KRT25: variants seen among roughly 807,000 people sequenced by gnomAD.
KRT25 encodes the protein keratin, type I cytoskeletal 25.
In KRT25, 37 loss-of-function variants were observed where a neutral mutation model predicts 47.6. The observed-to-expected ratio is 0.78, with a 90% CI of 0.60 to 1.02. The LOEUF is 1.02. Among genes scored for constraint, KRT25 ranks in the 50% least tolerant of loss-of-function variants. The probability of loss-of-function intolerance (pLI) is 0.00; values close to 1 mark genes in which losing one functional copy is unlikely to be tolerated. For synonymous variants in KRT25, 203 were observed against 210.2 expected (o/e 0.97, Z 0.30); for missense variants, 542 against 550.3 (o/e 0.98, Z 0.15).
rs956977211 is a variant in KRT25 at position 40,751,074 on chromosome 17, G to A, written c.837C>T (p.Ala279=). Residue 279 remains alanine (A), a synonymous_variant, in exon 5 of 8, where the codon GCC becomes GCT. Coordinates refer to ENST00000312150, the MANE Select transcript of KRT25 (RefSeq NM_181534.4). ...CCTCAGAGATCTGCTGCTGCAGGGA[G>A]GCGCTCTGAAATGACATAAGTGAAG... is the stretch of plus-strand genomic sequence containing the variant. ...DAEAWFNEKS[A]SLQQQISEDV... The A allele has an allele frequency of 3.1e-6, 5 of 1,614,168 alleles. No homozygotes were observed. Among genetic ancestry groups the A allele is most frequent in the Non-Finnish European group, 4.2e-6 (5 of 1,180,018 alleles).
chr17:40,751,076 C>T lies in KRT25; in HGVS notation c.835G>A (p.Ala279Thr), dbSNP rs551338229. The T allele has an allele frequency of 2.2e-5, 35 of 1,614,100 alleles. No homozygotes were observed. The East Asian group carries it at 6.9e-4, about 32-fold the overall frequency. ...TCAGAGATCTGCTGCTGCAGGGAGG[C>T]GCTCTGAAATGACATAAGTGAAGGA... ...DAEAWFNEKS[A>T]SLQQQISEDV... Residue 279 changes from alanine to threonine, a missense_variant, in exon 5 of 8, where the codon GCC becomes ACC. Ala to Thr is a moderately conservative substitution (Grantham distance 58). Transcript: ENST00000312150.
chr17:40,754,309 G>A, intron 2 of KRT25, 77 bp downstream of exon 2: 2 of 1,181,154 alleles, frequency 1.7e-6, no homozygotes, highest in Non-Finnish European at 2.5e-6. Flanking sequence ...TATAATTTTG[G>A]AATAAGAGTT....
Position 40,754,428 on chromosome 17 carries a change from T to C in KRT25, c.470A>G (p.Gln157Arg). ...AGCTGTAAGCCTGGCATTATCGATC[T>C]GCAGAACAGCATTAGCATTGCTGGT... ...STTSNANAVL[Q>R]IDNARLTADD... Residue 157 changes from glutamine (Q) to arginine (R), a missense_variant, in exon 2 of 8, where the codon CAG becomes CGG. Physicochemically the swap from Gln to Arg is conservative, Grantham distance 43. Transcript: ENST00000312150. 6.2e-7 allele frequency: 1 copy of C among 1,614,100 alleles called. No homozygotes were observed. Among genetic ancestry groups the C allele is most frequent in the East Asian group, 2.2e-5 (1 of 44,882 alleles).
chr17:40,752,154 CTAA>C (rs970347283), intron 3 of KRT25, among the ~76,000 whole-genome samples: 4 of 151,932 alleles, frequency 2.6e-5, no homozygotes, highest in African/African-American at 7.3e-5. Flanking sequence ...AGTCAAAGAA[CTAA>C]TAATAATAAT....
chr17:40,751,320 G>T lies in KRT25; in HGVS notation c.676C>A (p.Gln226Lys). 1 of 1,608,940 alleles carries T rather than the reference G, an allele frequency of 6.2e-7. No individual in the cohort carries two copies. Among genetic ancestry groups the T allele is most frequent in the Non-Finnish European group, 8.5e-7 (1 of 1,177,830 alleles). The change falls in exon 4 of 8, where the codon CAA (glutamine) becomes AAA (lysine). Residue 226 changes from glutamine (Q) to lysine (K), a missense_variant. Coordinates refer to ENST00000312150, the MANE Select transcript of KRT25 (RefSeq NM_181534.4). ...YLKKNHKEEMQVLQCAAGGNV... is the reference protein window; with the variant it reads ...YLKKNHKEEMKVLQCAAGGNV... Reference sequence around the variant, plus strand: ...CCTCCAGCTGCGCACTGCAGAACTTGCATTTCCTAGAGGCAGAAAAGTGTT... The same window carrying T: ...CCTCCAGCTGCGCACTGCAGAACTTTCATTTCCTAGAGGCAGAAAAGTGTT...
chr17:40,753,924 T>C lies in KRT25; in HGVS notation c.605A>G (p.Asp202Gly), dbSNP rs2038079487. 4.3e-6 allele frequency: 7 copies of C among 1,614,062 alleles called. No homozygotes were observed. The highest frequency in any genetic ancestry group is 5.9e-6 in the Non-Finnish European group (7 of 1,179,980). Residue 202 changes from aspartate (D) to glycine (G), a missense_variant, in exon 3 of 8, where the codon GAT becomes GGT. Asp to Gly is a moderately conservative substitution (Grantham distance 94). Coordinates refer to ENST00000312150, the MANE Select transcript of KRT25 (RefSeq NM_181534.4). ...CAGGGTTTCATACTGAATCTCCAGATCTGTTCTGCACAGGGTTATTTCATC... is the reference window on the plus strand; with the variant it reads ...CAGGGTTTCATACTGAATCTCCAGACCTGTTCTGCACAGGGTTATTTCATC... Reference protein sequence around the residue: ...VLDEITLCRTDLEIQYETLSE... With the variant: ...VLDEITLCRTGLEIQYETLSE...
rs759488251 is a variant in KRT25 at position 40,750,368 on chromosome 17, T to A, written c.1175+12A>T. The stretch of plus-strand genomic sequence containing the variant: ...AGTATATTACGCCATCTATGCAGAT[T>A]ATTTTACCTACCCATCATCTCCTCC... On this transcript the variant is annotated intron_variant, in intron 6 of 7. Coordinates refer to ENST00000312150, the MANE Select transcript of KRT25 (RefSeq NM_181534.4). 1 of 1,612,898 alleles carries A rather than the reference T, an allele frequency of 6.2e-7. No homozygotes were observed. Among genetic ancestry groups the A allele is most frequent in the Non-Finnish European group, 8.5e-7 (1 of 1,178,850 alleles).
At chr17:40,750,234 G>T in intron 6 of KRT25, 146 bp downstream of exon 6, 1 of 774,644 alleles carries the variant, frequency 1.3e-6, no homozygotes, top group Non-Finnish European at 2.1e-6. Flanking sequence ...TATTTTGGCA[G>T]TTGAGTATGT....
chr17:40,755,394 T>G, upstream of KRT25: 1 of 893,774 alleles, frequency 1.1e-6, no homozygotes, highest in Non-Finnish European at 1.7e-6. Flanking sequence ...AATGAAATTC[T>G]GCCTACACAG....
intron 6 of KRT25, among the ~76,000 whole-genome samples, chr17:40,750,149 C>T (rs1216984245): frequency 6.6e-6 from 1 of 152,192 alleles, no homozygotes; most frequent in Non-Finnish European, 1.5e-5. Context: ...GTTCTTTTCA[C>T]TCTAGAAGTG....
chr17:40,754,326 T>C (rs1249723913), intron 2 of KRT25, 60 bp downstream of exon 2: 4 of 1,359,142 alleles, frequency 2.9e-6, no homozygotes, highest in Non-Finnish European at 4.2e-6. Context: ...AGTTGCTAAA[T>C]TTGATGTAAT....
At chr17:40,754,247 G>A in intron 2 of KRT25, 139 bp downstream of exon 2, 1 of 799,264 alleles carries the variant, frequency 1.3e-6, no homozygotes, top group Admixed American at 2.5e-5. Context: ...GTATTTAATA[G>A]TCAAAGCATA....
At chr17:40,750,298 T>G (rs2038033396) in intron 6 of KRT25, 82 bp downstream of exon 6, 6 of 1,385,780 alleles carry the variant, frequency 4.3e-6, no homozygotes, top group Non-Finnish European at 6.1e-6. Context: ...CCAAATTATG[T>G]CCGCTTTCCA....
At chr17:40,754,163 G>T (rs2038082200) in intron 2 of KRT25, 147 bp from the exon 3 acceptor site, 1 of 861,328 alleles carries the variant, frequency 1.2e-6, no homozygotes, top group African/African-American at 1.7e-5. Flanking sequence ...AATAATTATT[G>T]TTTCTACTTT....
chr17:40,748,306 A>G lies in KRT25; in HGVS notation c.1324T>C (p.Ser442Pro). 6.2e-7 allele frequency: 1 copy of G among 1,612,074 alleles called. No individual in the cohort carries two copies. ...TTGCTTTGAGATTTCTCTTCCAGGGAGTGGAGCCTGGTGGTAAGTATTTTG... is the reference window on the plus strand; with the variant it reads ...TTGCTTTGAGATTTCTCTTCCAGGGGGTGGAGCCTGGTGGTAAGTATTTTG... ...RSKILTTRLH[S>P]LEEKSQSN is the part of the protein sequence containing the mutation. The change falls in exon 8 of 8, where the codon TCC becomes CCC. Residue 442 changes from serine to proline, a missense_variant. Physicochemically the swap from Ser to Pro is moderately conservative, Grantham distance 74 (BLOSUM62 -1). Coordinates refer to ENST00000312150, the MANE Select transcript of KRT25 (RefSeq NM_181534.4).
intron 7 of KRT25, 116 bp downstream of exon 7, chr17:40,749,142 A>C (rs2038022911): frequency 1.3e-6 from 1 of 754,336 alleles, no homozygotes; most frequent in Non-Finnish European, 2.3e-6. Context: ...TATGCACAAC[A>C]AACCTCCGTG....
At position 40,751,090 on chromosome 17, in the gene KRT25, A is replaced by G. The variant is rs1028740203; in HGVS notation, c.832-11T>C. The G allele has an allele frequency of 1.2e-5, 20 of 1,614,072 alleles. No individual in the cohort carries two copies. In the Middle Eastern group the frequency reaches 4.9e-4, roughly 40 times the overall value. On this transcript the variant is annotated splice_polypyrimidine_tract_variant and intron_variant, in intron 4 of 7. Coordinates refer to ENST00000312150, the MANE Select transcript of KRT25 (RefSeq NM_181534.4). ...CTGCAGGGAGGCGCTCTGAAATGAC[A>G]TAAGTGAAGGAGCAAATCTTAGTTT...
rs768823748 is a variant in KRT25 at position 40,750,922 on chromosome 17, G to A, written c.957+32C>T. 5 of 1,610,810 alleles carry A rather than the reference G, an allele frequency of 3.1e-6. No individual in the cohort carries two copies. The South Asian group carries it at 4.4e-5, about 14-fold the overall frequency. On this transcript the variant is annotated intron_variant, in intron 5 of 7. Transcript: ENST00000312150. ...GCAAGTATCTAACATGATGACCTGG[G>A]AGATGGTGAAAAAAAATTGTTCTTT...
In KRT25 at chr17:40,754,969, C is replaced by T. The variant is rs1597794217; in HGVS notation, c.303G>A (p.Glu101=). Residue 101 remains glutamate (E), a synonymous_variant, in exon 1 of 8, where the codon GAG becomes GAA. Transcript: ENST00000312150. ...TCTGCTCCAGGTCAGCGTTGGCCTC[C>T]TCCAGAGCATGCACACTGTCCAGGT... The part of the protein sequence containing the change: ...ASYLDSVHAL[E]EANADLEQKI... 1.2e-6 allele frequency: 2 copies of T among 1,614,060 alleles called. No homozygotes were observed. Among genetic ancestry groups the T allele is most frequent in the African/African-American group, 2.7e-5 (2 of 74,914 alleles).
Sources: allele counts gnomAD v4.1 joint callset (sites outside exome capture counted in the v4.1 genomes callset), GRCh38; gene constraint gnomAD v4.1.1; transcripts MANE v1.5; gene names NCBI Gene and HGNC (gene_info 2026-07-23, HGNC 2026-07-21).